DNAH5: variants seen among roughly 807,000 people sequenced by gnomAD.
The protein encoded by DNAH5 is dynein axonemal heavy chain 5.
DNAH5 carries 372 observed loss-of-function variants against 518.2 expected under a neutral mutation model. The observed-to-expected ratio is 0.72, with a 90% CI of 0.66 to 0.78. DNAH5 has a LOEUF of 0.78. Among genes scored for constraint, DNAH5 ranks in the 30% least tolerant of loss-of-function variants. The probability of loss-of-function intolerance (pLI) is 0.00; values close to 1 mark genes in which losing one functional copy is unlikely to be tolerated. For synonymous variants in DNAH5, 2,039 were observed against 2,025.9 expected, an observed-to-expected ratio of 1.01 and a Z score of -0.17; for missense variants, 5,523 against 5,687.0, an observed-to-expected ratio of 0.97 and a Z score of 0.93.
At chr5:13,932,795 A>G (rs1778544763) in intron 1 of DNAH5, among the ~76,000 whole-genome samples, 1 of 152,224 alleles carries the variant, frequency 6.6e-6, no homozygotes, top group Non-Finnish European at 1.5e-5. Context: ...AAGAGGAACA[A>G]GTTGAAGCAA....
chr5:13,867,724 T>C (rs1769478835), intron 25 of DNAH5, 50 bp downstream of exon 25: 18 of 1,365,416 alleles, frequency 1.3e-5, no homozygotes, highest in Middle Eastern at 2.2e-4. Context: ...ATTTTGCATG[T>C]TGTATTCACT....
Position 13,840,974 on chromosome 5 carries a change from T to G in DNAH5, c.5641A>C (p.Thr1881Pro). 1 of 1,614,166 alleles carries G rather than the reference T, an allele frequency of 6.2e-7. No individual in the cohort carries two copies. ...IDVTTRDLSS[T>P]ERVKYETLIT... ...AGAGTCTCGTATTTCACTCGTTCCGTGGAACTCAGATCCCTCGTGGTGACG... is the reference window on the plus strand; with the variant it reads ...AGAGTCTCGTATTTCACTCGTTCCGGGGAACTCAGATCCCTCGTGGTGACG... The change falls in exon 34 of 79, where the codon ACG (threonine) becomes CCG (proline). Residue 1881 changes from threonine to proline, a missense_variant. Coordinates refer to ENST00000265104, the MANE Select transcript of DNAH5 (RefSeq NM_001369.3).
chr5:13,917,465 T>C (rs576513220), intron 7 of DNAH5, among the ~76,000 whole-genome samples: 1 of 152,296 alleles, frequency 6.6e-6, no homozygotes, highest in South Asian at 2.1e-4. Flanking sequence ...CTTCCAGGGC[T>C]TCTCATATAA....
intron 30 of DNAH5, among the ~76,000 whole-genome samples, chr5:13,855,886 C>T (rs937454694): frequency 6.6e-6 from 1 of 152,180 alleles, no homozygotes; most frequent in African/African-American, 2.4e-5. Flanking sequence ...CAACCAGCTC[C>T]TGAATGCCTA....
At chr5:13,736,449 C>T (rs539537372) in intron 66 of DNAH5, among the ~76,000 whole-genome samples, 25 of 152,252 alleles carry the variant, frequency 1.6e-4, no homozygotes, top group African/African-American at 6.0e-4. Context: ...GGCTGGAGTA[C>T]AGTGGCGTGA....
At chr5:14,009,337 A>G (rs572329324) in intron 1 of DNAH5, among the ~76,000 whole-genome samples, 1 of 152,304 alleles carries the variant, frequency 6.6e-6, no homozygotes, top group South Asian at 2.1e-4. Flanking sequence ...CCTTTTCCCA[A>G]TACTGAGGCA....
rs141809962 is a variant in DNAH5 at position 13,804,449 on chromosome 5, G to A, written c.7887+3142C>T. 3.3e-4 allele frequency among the ~76,000 whole-genome samples: 51 copies of A among 152,324 alleles called. No homozygotes were observed. The East Asian group carries it at 8.1e-3, about 24-fold the overall frequency. ...TTCAGTTTGGTTGGGATCCAGATAC[G>A]TGGGAGATGCAGAGACAAATGCTCT... On this transcript the variant is annotated intron_variant, in intron 47 of 78. Transcript: ENST00000265104.
intron 1 of DNAH5, among the ~76,000 whole-genome samples, chr5:13,979,236 C>T (rs924405752): frequency 1.3e-5 from 2 of 152,146 alleles, no homozygotes; most frequent in Non-Finnish European, 2.9e-5. Context: ...TCAAACATCA[C>T]CTTCATCATG....
intron 70 of DNAH5, among the ~76,000 whole-genome samples, chr5:13,724,832 G>C (rs569936495): frequency 1.3e-5 from 2 of 152,336 alleles, no homozygotes. Context: ...CTTCTGCCAT[G>C]ATTGAAAGTT....
In DNAH5 at chr5:13,727,543, A is replaced by G. The variant is rs939150721; in HGVS notation, c.11997T>C (p.Leu3999=). ...TTCTGTCAGGACACCAGGATCTAAT[A>G]AGGAGAAGACGTCTGAAGCAGTCAA... ...KSLDCFRRLL[L]IRSWCPDRTI... The change falls in exon 70 of 79, where the codon CTT becomes CTC. Residue 3999 remains leucine, a synonymous_variant. Transcript: ENST00000265104. 3.1e-6 allele frequency: 5 copies of G among 1,613,782 alleles called. No homozygotes were observed. The highest frequency in any genetic ancestry group is 1.7e-5 in the Admixed American group (1 of 60,018).
chr5:13,870,843 A>T lies in DNAH5; in HGVS notation c.3758T>A (p.Ile1253Asn). The T allele has an allele frequency of 6.2e-7, 1 of 1,613,816 alleles. No individual in the cohort carries two copies. The highest frequency in any genetic ancestry group is 8.5e-7 in the Non-Finnish European group (1 of 1,179,826). Residue 1253 changes from isoleucine (I) to asparagine (N), a missense_variant, in exon 24 of 79, where the codon ATT becomes AAT. Physicochemically the swap from Ile to Asn is moderately radical, Grantham distance 149. Transcript: ENST00000265104. ...LNRPIKDLDD[I>N]RIAMAALKEI... ...TTTCAGCGCTGCCATTGCAATCCGAATATCATCTAGGTCCTTAATTGGACG... is the reference window on the plus strand; with the variant it reads ...TTTCAGCGCTGCCATTGCAATCCGATTATCATCTAGGTCCTTAATTGGACG...
intron 76 of DNAH5, among the ~76,000 whole-genome samples, chr5:13,702,522 G>T (rs1480899284): frequency 3.3e-5 from 5 of 152,186 alleles, no homozygotes; most frequent in Non-Finnish European, 7.3e-5. Context: ...AGAGCCTCCT[G>T]GGTCCTACCG....
chr5:13,820,315 AC>A, intron 41 of DNAH5, 30 bp downstream of exon 41: 1 of 1,603,256 alleles, frequency 6.2e-7, no homozygotes. Context: ...TAAATGGGCC[AC>A]CCCAGGCATT....
At chr5:13,951,532 T>C (rs1037303902) in intron 1 of DNAH5, among the ~76,000 whole-genome samples, 1 of 152,170 alleles carries the variant, frequency 6.6e-6, no homozygotes, top group Non-Finnish European at 1.5e-5. Context: ...TATTCTCTCT[T>C]TTTTTCATTG....
chr5:13,754,457 T>C, intron 61 of DNAH5, 119 bp from the exon 62 acceptor site: 2 of 1,129,056 alleles, frequency 1.8e-6, no homozygotes. Flanking sequence ...GAGCCATTAC[T>C]TCACAAGAAG....
At chr5:13,800,449 C>T (rs1020444449) in intron 47 of DNAH5, among the ~76,000 whole-genome samples, 2 of 152,154 alleles carry the variant, frequency 1.3e-5, no homozygotes, top group African/African-American at 4.8e-5. Flanking sequence ...AAAGTGGCAC[C>T]AACTACCTAT....
At chr5:13,709,231 C>G (rs1239940268) in intron 75 of DNAH5, among the ~76,000 whole-genome samples, 1 of 152,048 alleles carries the variant, frequency 6.6e-6, no homozygotes, top group Non-Finnish European at 1.5e-5. Flanking sequence ...TACAGGATTC[C>G]TCTTGAAAAT....
intron 35 of DNAH5, among the ~76,000 whole-genome samples, chr5:13,832,416 C>T (rs765377352): frequency 7.9e-5 from 12 of 152,228 alleles, no homozygotes; most frequent in Non-Finnish European, 1.5e-4. Flanking sequence ...AACTGCCTTT[C>T]GGTGACAAGC....
At chr5:13,990,044 A>T (rs1173426245) in intron 1 of DNAH5, among the ~76,000 whole-genome samples, 1 of 152,220 alleles carries the variant, frequency 6.6e-6, no homozygotes, top group Non-Finnish European at 1.5e-5. Context: ...ACTCAAGGTC[A>T]CACAGCTAAT....
Sources: allele counts gnomAD v4.1 joint callset (sites outside exome capture counted in the v4.1 genomes callset), GRCh38; gene constraint gnomAD v4.1.1; transcripts MANE v1.5; gene names NCBI Gene and HGNC (gene_info 2026-07-23, HGNC 2026-07-21).